Variants in GABRG3 observed in about 807,000 individuals in gnomAD.
The protein encoded by GABRG3 is gamma-aminobutyric acid receptor subunit gamma-3.
A neutral mutation model predicts 48.8 loss-of-function variants in GABRG3; 25 were observed. That is an observed-to-expected ratio of 0.51 (90% CI 0.37 to 0.72). GABRG3 has a LOEUF of 0.72. Ranked by LOEUF, GABRG3 falls within the 30% of genes least tolerant of loss-of-function variation. GABRG3 has a pLI of 0.00. For missense variants in GABRG3, 394 were observed against 577.9 expected (o/e 0.68, Z 3.26); for synonymous variants, 227 against 217.6 (o/e 1.04, Z -0.38).
intron 3 of GABRG3, among the ~76,000 whole-genome samples, chr15:27,182,599 A>C (rs991035747): frequency 2.6e-5 from 4 of 152,158 alleles, no homozygotes; most frequent in Non-Finnish European, 5.9e-5. Flanking sequence ...CTCTGTGCCC[A>C]GTGTGGTCCT....
chr15:27,014,350 T>A (rs551587162), intron 2 of GABRG3, among the ~76,000 whole-genome samples: 35 of 151,862 alleles, frequency 2.3e-4, no homozygotes, highest in Non-Finnish European at 4.1e-4. Flanking sequence ...TCTTTATTTT[T>A]TTTTTTTTAG....
At chr15:27,316,795 G>A (rs541073684) in intron 3 of GABRG3, among the ~76,000 whole-genome samples, 1 of 152,204 alleles carries the variant, frequency 6.6e-6, no homozygotes, top group Admixed American at 6.5e-5. Context: ...ATCTCCCTTA[G>A]TTTATGTGAG....
intron 2 of GABRG3, among the ~76,000 whole-genome samples, chr15:26,991,762 C>T (rs1455294834): frequency 6.6e-6 from 1 of 151,892 alleles, no homozygotes; most frequent in Non-Finnish European, 1.5e-5. Context: ...GCTCTTTCAC[C>T]CAGGCTGGGG....
At chr15:27,088,311 T>TG (rs1011381863) in intron 3 of GABRG3, among the ~76,000 whole-genome samples, 4 of 148,372 alleles carry the variant, frequency 2.7e-5, no homozygotes, top group Non-Finnish European at 6.0e-5. Flanking sequence ...TGGCTAAAGG[T>TG]GGGGTCCTCG....
At chr15:27,429,125 C>T (rs1888375800) in intron 5 of GABRG3, among the ~76,000 whole-genome samples, 1 of 152,086 alleles carries the variant, frequency 6.6e-6, no homozygotes. Context: ...AAATTGAAAT[C>T]TAGGAGTGAG....
intron 5 of GABRG3, among the ~76,000 whole-genome samples, chr15:27,403,265 C>A (rs905067409): frequency 1.3e-5 from 2 of 152,016 alleles, no homozygotes; most frequent in Non-Finnish European, 2.9e-5. Flanking sequence ...GAAGTACCTA[C>A]CAATCAGGCA....
intron 3 of GABRG3, among the ~76,000 whole-genome samples, chr15:27,055,753 T>C (rs1383826305): frequency 6.6e-6 from 1 of 152,126 alleles, no homozygotes; most frequent in Non-Finnish European, 1.5e-5. Context: ...TCTGGTCCCA[T>C]GCATTTCAGA....
At chr15:27,525,829 G>T (rs1265749479) in intron 7 of GABRG3, among the ~76,000 whole-genome samples, 1 of 152,084 alleles carries the variant, frequency 6.6e-6, no homozygotes, top group Non-Finnish European at 1.5e-5. Context: ...AGAACATTAG[G>T]GAAAAGAGCT....
intron 3 of GABRG3, among the ~76,000 whole-genome samples, chr15:27,309,201 A>C (rs1175971126): frequency 7.7e-6 from 1 of 130,624 alleles, no homozygotes; most frequent in Non-Finnish European, 1.6e-5. Flanking sequence ...TAATGTAAAC[A>C]TAGATGTTTG....
intron 3 of GABRG3, among the ~76,000 whole-genome samples, chr15:27,250,918 C>G (rs1174986001): frequency 6.6e-6 from 1 of 152,186 alleles, no homozygotes; most frequent in Non-Finnish European, 1.5e-5. Flanking sequence ...GTTGTTCCTT[C>G]CTCCCTGTCT....
At chr15:27,483,193 A>G (rs184467140) in intron 6 of GABRG3, 1 of 152,332 alleles carries the variant, frequency 6.6e-6, no homozygotes, top group East Asian at 1.9e-4. Flanking sequence ...GAAGTCTAAA[A>G]TCAAGATGGC....
chr15:27,443,841 G>A (rs1278287622), intron 5 of GABRG3, among the ~76,000 whole-genome samples: 1 of 152,100 alleles, frequency 6.6e-6, no homozygotes, highest in African/African-American at 2.4e-5. Context: ...TTTGCCTGGA[G>A]GTTTTATAAT....
Position 27,447,013 on chromosome 15 carries a change from T to C in GABRG3, c.575-33637T>C, listed in dbSNP as rs1402778858. 6.6e-6 allele frequency among the ~76,000 whole-genome samples: 1 copy of C among 152,218 alleles called. No homozygotes were observed. The highest frequency in any genetic ancestry group is 2.4e-5 in the African/African-American group (1 of 41,452). ...TGCTCCTCCCATGCACCAGGGGCAGTACTATGCATTGAGGGTCTAGGGATG... is the reference window on the plus strand; with the variant it reads ...TGCTCCTCCCATGCACCAGGGGCAGCACTATGCATTGAGGGTCTAGGGATG... On this transcript the variant is annotated intron_variant, in intron 5 of 9. Coordinates refer to ENST00000615808, the MANE Select transcript of GABRG3 (RefSeq NM_033223.5). The surrounding 1 kb of genome is among the most constrained non-coding windows in gnomAD (Gnocchi z 4.0).
chr15:27,531,431 T>C (rs1206154216), intron 9 of GABRG3, among the ~76,000 whole-genome samples: 1 of 152,166 alleles, frequency 6.6e-6, no homozygotes, highest in Admixed American at 6.5e-5. Flanking sequence ...TATTTTTGGA[T>C]GAAAGTATAA....
intron 6 of GABRG3, among the ~76,000 whole-genome samples, chr15:27,515,084 A>AT (rs1180748376): frequency 6.8e-6 from 1 of 147,854 alleles, no homozygotes; most frequent in Non-Finnish European, 1.5e-5. Context: ...ATGTTTCTTA[A>AT]TTTTTTTGTT....
At chr15:27,458,061 G>A (rs1889336542) in intron 5 of GABRG3, among the ~76,000 whole-genome samples, 1 of 152,034 alleles carries the variant, frequency 6.6e-6, no homozygotes. Context: ...CTTCTCCTCT[G>A]AGTCCCCACC....
intron 3 of GABRG3, among the ~76,000 whole-genome samples, chr15:27,052,830 A>G (rs1896477973): frequency 6.6e-6 from 1 of 152,226 alleles, no homozygotes; most frequent in South Asian, 2.1e-4. Context: ...GGACAAGTGG[A>G]ATAGAGTAGA....
At chr15:27,255,417 G>C (rs186348785) in intron 3 of GABRG3, among the ~76,000 whole-genome samples, 39 of 152,332 alleles carry the variant, frequency 2.6e-4, no homozygotes, top group Middle Eastern at 3.4e-3. Context: ...GACCATGGCA[G>C]TGATCAGAGT....
chr15:27,221,192 A>G (rs1483722305), intron 3 of GABRG3, among the ~76,000 whole-genome samples: 2 of 152,166 alleles, frequency 1.3e-5, no homozygotes, highest in East Asian at 3.9e-4. Flanking sequence ...TCAGAGAGAC[A>G]GAAGCATGAT....
Sources: gnomAD v4.1 joint callset for allele counts (sites outside exome capture counted in the v4.1 genomes callset) on GRCh38, gnomAD v4.1.1 for gene constraint, Gnocchi (gnomAD v3.1) non-coding constraint, MANE v1.5 for transcripts, NCBI Gene and HGNC (gene_info 2026-07-23, HGNC 2026-07-21) for gene names.